Variants in TRPM3 observed in about 807,000 individuals in gnomAD.
The protein encoded by TRPM3 is transient receptor potential cation channel subfamily M member 3, also known as long transient receptor potential channel 3.
A neutral mutation model predicts 181.2 loss-of-function variants in TRPM3; 77 were observed. The observed-to-expected ratio is 0.42, with a 90% CI of 0.35 to 0.51. The LOEUF (loss-of-function observed/expected upper bound fraction) is 0.51. TRPM3 is among the 20% of genes least tolerant of loss of function. The pLI, the probability that TRPM3 is intolerant of heterozygous loss-of-function variation, is 0.01. For missense variants in TRPM3, 1,759 were observed against 2,196.7 expected (o/e 0.80, Z 3.98); for synonymous variants, 745 against 796.4 (o/e 0.94, Z 1.09).
At chr9:71,271,225 C>G (rs2083765748) in intron 1 of TRPM3, among the ~76,000 whole-genome samples, 1 of 152,012 alleles carries the variant, frequency 6.6e-6, no homozygotes. Flanking sequence ...TGAAATTATC[C>G]CATTTTATTT....
intron 1 of TRPM3, among the ~76,000 whole-genome samples, chr9:71,217,547 T>C (rs1276008833): frequency 2.0e-5 from 3 of 152,342 alleles, no homozygotes; most frequent in Non-Finnish European, 1.5e-5. Context: ...ACTGTGCTTA[T>C]AATGTGCACA....
Position 70,639,207 on chromosome 9 carries a change from T to C in TRPM3, c.1447-13A>G, listed in dbSNP as rs2057680264. The C allele has an allele frequency of 6.2e-7, 1 of 1,613,452 alleles. No homozygotes were observed. Among genetic ancestry groups the C allele is most frequent in the African/African-American group, 1.3e-5 (1 of 75,030 alleles). ...CCAGAGATCCCACCTGCAAACCAAG[T>C]CACTGAGTTAGTCTGCCCCAGGGTC... On this transcript the variant is annotated splice_polypyrimidine_tract_variant and intron_variant, in intron 10 of 25. Coordinates refer to ENST00000677713, the MANE Select transcript of TRPM3 (RefSeq NM_001366145.2).
intron 22 of TRPM3, among the ~76,000 whole-genome samples, chr9:70,558,165 G>A (rs1194775522): frequency 2.0e-5 from 3 of 152,084 alleles, no homozygotes; most frequent in Admixed American, 2.0e-4. Flanking sequence ...ACAACGTAAG[G>A]CTACCAAGTA....
chr9:71,017,502 A>C (rs2097794136), intron 1 of TRPM3, among the ~76,000 whole-genome samples: 1 of 151,888 alleles, frequency 6.6e-6, no homozygotes, highest in Non-Finnish European at 1.5e-5. Flanking sequence ...AGGATGTAAA[A>C]TGTTTAAAAT....
intron 1 of TRPM3, among the ~76,000 whole-genome samples, chr9:71,039,111 C>T (rs1175780433): frequency 6.6e-6 from 1 of 152,138 alleles, no homozygotes. Context: ...CACCTTTTTA[C>T]CCACCGATTC....
At chr9:71,243,027 C>T (rs950265688) in intron 1 of TRPM3, among the ~76,000 whole-genome samples, 4 of 152,066 alleles carry the variant, frequency 2.6e-5, no homozygotes, top group Non-Finnish European at 4.4e-5. Context: ...GAGCCAGAGA[C>T]TTTGCACCTG....
At chr9:71,030,684 TG>T (rs2057182238) in intron 1 of TRPM3, among the ~76,000 whole-genome samples, 1 of 152,142 alleles carries the variant, frequency 6.6e-6, no homozygotes, top group African/African-American at 2.4e-5. Context: ...GTTATTAATT[TG>T]GGAATTTAGT....
chr9:71,157,873 G>T lies in TRPM3; in HGVS notation c.183+288780C>A, dbSNP rs2076085051. Among the ~76,000 whole-genome samples the T allele has an allele frequency of 2.6e-5, 4 of 151,264 alleles. No individual in the cohort carries two copies. In the South Asian group the frequency reaches 8.6e-4, roughly 33 times the overall value. Reference sequence around the variant, plus strand: ...AGGAAGAGAAGATATAAGCTCAAGAGCACACAGACAGATTGTTGAAACTGA... The same window carrying T: ...AGGAAGAGAAGATATAAGCTCAAGATCACACAGACAGATTGTTGAAACTGA... On this transcript the variant is annotated intron_variant, in intron 1 of 24. Transcript: ENST00000357533.
At position 70,902,329 on chromosome 9, in the gene TRPM3, C is replaced by G. The variant is rs894871357; in HGVS notation, c.178-37818G>C. On this transcript the variant is annotated intron_variant, in intron 1 of 25. Transcript: ENST00000677713. ...ACAACAAAGCTGAGGTTATGCTTGA[C>G]TCTGTTGTACTCAGGATTTGGGATG... 4.2e-4 allele frequency among the ~76,000 whole-genome samples: 64 copies of G among 152,232 alleles called. 1 individual carries two copies. Among genetic ancestry groups the G allele is most frequent in the African/African-American group, 1.5e-3 (62 of 41,466 alleles).
At chr9:70,593,369 T>C (rs937694778) in intron 21 of TRPM3, among the ~76,000 whole-genome samples, 1 of 152,202 alleles carries the variant, frequency 6.6e-6, no homozygotes, top group Non-Finnish European at 1.5e-5. Flanking sequence ...TCTTTCATCA[T>C]TTATTTACAA....
chr9:71,369,952 C>T (rs976328314), intron 1 of TRPM3, among the ~76,000 whole-genome samples: 1 of 152,106 alleles, frequency 6.6e-6, no homozygotes, highest in Non-Finnish European at 1.5e-5. Context: ...TACAGTAGTT[C>T]GAACTTTCTT....
At chr9:71,057,802 T>C (rs976332595) in intron 1 of TRPM3, among the ~76,000 whole-genome samples, 1 of 152,096 alleles carries the variant, frequency 6.6e-6, no homozygotes, top group Non-Finnish European at 1.5e-5. Flanking sequence ...TGTAATATTG[T>C]CTGTACTGTT....
rs148493695 is a variant in TRPM3, at chr9:70,556,025, G to A, written c.3224-2715C>T. ...CTTTTTGACCCTATATTGAGGGAAGGCCATGAAGACACTTCCTCCACTTGG... is the reference window on the plus strand; with the variant it reads ...CTTTTTGACCCTATATTGAGGGAAGACCATGAAGACACTTCCTCCACTTGG... On this transcript the variant is annotated intron_variant, in intron 22 of 25. Coordinates refer to ENST00000677713, the MANE Select transcript of TRPM3 (RefSeq NM_001366145.2). Among the ~76,000 whole-genome samples, 8 of 152,282 alleles carry A rather than the reference G, an allele frequency of 5.3e-5. No homozygotes were observed. In the East Asian group the frequency reaches 1.4e-3, roughly 26 times the overall value.
At chr9:71,071,052 G>A (rs901870067) in intron 1 of TRPM3, among the ~76,000 whole-genome samples, 6 of 152,206 alleles carry the variant, frequency 3.9e-5, no homozygotes, top group Non-Finnish European at 8.8e-5. Context: ...TGGACAGCAA[G>A]GAGCCTTACA....
chr9:71,043,138 G>A (rs777738531), intron 1 of TRPM3, among the ~76,000 whole-genome samples: 7 of 152,154 alleles, frequency 4.6e-5, no homozygotes, highest in Non-Finnish European at 7.3e-5. Context: ...ATGTAAGAAC[G>A]TACACATTTT....
intron 1 of TRPM3, among the ~76,000 whole-genome samples, chr9:70,982,468 A>G (rs2097372885): frequency 1.3e-5 from 2 of 152,160 alleles, no homozygotes; most frequent in Non-Finnish European, 2.9e-5. Flanking sequence ...TCTATTATCT[A>G]AGATTTCAGT....
At chr9:71,162,855 A>G (rs2076346153) in intron 1 of TRPM3, among the ~76,000 whole-genome samples, 1 of 152,162 alleles carries the variant, frequency 6.6e-6, no homozygotes, top group Admixed American at 6.6e-5. Context: ...GTGCCTGTAC[A>G]AGATGCTATA....
At position 71,141,572 on chromosome 9, in the gene TRPM3, C is replaced by G. The variant is rs77327486; in HGVS notation, c.184-277061G>C. ...TGTATTATTTATTAAGTTAAAGGGG[C>G]TTTTCAAACACACACCTGAAATATT... On this transcript the variant is annotated intron_variant, in intron 1 of 24. Transcript: ENST00000357533. Among the ~76,000 whole-genome samples the G allele has an allele frequency of 6.6e-5, 10 of 152,170 alleles. No homozygotes were observed. In the South Asian group the frequency reaches 2.1e-3, roughly 32 times the overall value.
chr9:71,356,465 T>C (rs757950519), intron 1 of TRPM3, among the ~76,000 whole-genome samples: 11 of 152,140 alleles, frequency 7.2e-5, no homozygotes, highest in Non-Finnish European at 1.6e-4. Context: ...GCTATGAGAC[T>C]GTAAAATAGA....
Sources: gnomAD v4.1 joint callset for allele counts (sites outside exome capture counted in the v4.1 genomes callset) on GRCh38, gnomAD v4.1.1 for gene constraint, MANE v1.5 for transcripts, NCBI Gene and HGNC (gene_info 2026-07-23, HGNC 2026-07-21) for gene names.